GPAM: variants seen among roughly 807,000 people sequenced by gnomAD.
GPAM encodes the protein glycerol-3-phosphate acyltransferase 1, mitochondrial.
A neutral mutation model predicts 105.0 loss-of-function variants in GPAM; 56 were observed. The ratio of observed to expected loss-of-function variants is 0.53; its 90% CI spans 0.43 to 0.67. The LOEUF is 0.67. Among genes scored for constraint, GPAM ranks in the 30% least tolerant of loss-of-function variants. GPAM has a pLI of 0.00. For missense variants in GPAM, 855 were observed against 989.8 expected, an observed-to-expected ratio of 0.86 and a Z score of 1.83; for synonymous variants, 368 against 354.4, an observed-to-expected ratio of 1.04 and a Z score of -0.43.
intron 1 of GPAM, among the ~76,000 whole-genome samples, chr10:112,197,445 T>TC (rs1437769919): frequency 6.6e-6 from 1 of 150,894 alleles, no homozygotes; most frequent in Non-Finnish European, 1.5e-5. Context: ...AGGCATTCTT[T>TC]TTTTTTTTTT....
At chr10:112,212,505 C>T (rs960694209) in intron 1 of GPAM, among the ~76,000 whole-genome samples, 3 of 152,136 alleles carry the variant, frequency 2.0e-5, no homozygotes, top group Non-Finnish European at 2.9e-5. Context: ...CCTCATGATC[C>T]GCCCGCATCG....
Position 112,157,400 on chromosome 10 carries a change from G to A in GPAM, c.1981-11C>T. 5 of 1,613,118 alleles carry A rather than the reference G, an allele frequency of 3.1e-6. No individual in the cohort carries two copies. The highest frequency in any genetic ancestry group is 4.2e-6 in the Non-Finnish European group (5 of 1,179,220). On this transcript the variant is annotated splice_polypyrimidine_tract_variant and intron_variant, in intron 18 of 21. Coordinates refer to ENST00000348367, the MANE Select transcript of GPAM (RefSeq NM_001244949.2). ...TTCCTGGTCATCGTGCTAGGCCAAG[G>A]AGATGATGGATAGTAAATAAATATG...
rs915434563 is a variant in GPAM at position 112,159,196 on chromosome 10, G to C, written c.1902+715C>G. ...GGTTTTCCTCATTTGTAAATTGAGA[G>C]GTGTTGAGCAGATGATTTTCTTTTT... On this transcript the variant is annotated intron_variant, in intron 17 of 21. Transcript: ENST00000348367. 2.0e-5 allele frequency among the ~76,000 whole-genome samples: 3 copies of C among 151,136 alleles called. No homozygotes were observed. In the East Asian group the frequency reaches 5.8e-4, roughly 29 times the overall value.
chr10:112,215,565 TG>T (rs1281354608), upstream of GPAM, among the ~76,000 whole-genome samples: 3 of 152,216 alleles, frequency 2.0e-5, no homozygotes, highest in East Asian at 1.9e-4. Flanking sequence ...ATGCAATGAA[TG>T]GTGTCTTCTT....
At chr10:112,208,771 A>C (rs1847878122) in intron 1 of GPAM, among the ~76,000 whole-genome samples, 1 of 152,258 alleles carries the variant, frequency 6.6e-6, no homozygotes, top group Non-Finnish European at 1.5e-5. Flanking sequence ...ATAAATTGCC[A>C]ATCAACTAAC....
intron 2 of GPAM, among the ~76,000 whole-genome samples, chr10:112,182,086 A>G (rs1042774667): frequency 6.6e-6 from 1 of 152,224 alleles, no homozygotes; most frequent in Non-Finnish European, 1.5e-5. Flanking sequence ...TTGTATCCAC[A>G]CAAAATAGCT....
At chr10:112,194,574 A>G (rs1847701065) in intron 1 of GPAM, among the ~76,000 whole-genome samples, 1 of 152,238 alleles carries the variant, frequency 6.6e-6, no homozygotes, top group South Asian at 2.1e-4. Context: ...TGATATGAAA[A>G]TAAAGCGTCT....
At chr10:112,163,982 T>C (rs1847170735) in intron 13 of GPAM, among the ~76,000 whole-genome samples, 166 bp from the exon 14 acceptor site, 1 of 152,218 alleles carries the variant, frequency 6.6e-6, no homozygotes, top group South Asian at 2.1e-4. Flanking sequence ...TATACTACAT[T>C]ATGGCCTGGC....
chr10:112,193,670 A>G (rs1847689729), intron 1 of GPAM, among the ~76,000 whole-genome samples: 2 of 152,206 alleles, frequency 1.3e-5, no homozygotes, highest in Admixed American at 1.3e-4. Flanking sequence ...CAAACATACA[A>G]GGGATATATT....
intron 1 of GPAM, among the ~76,000 whole-genome samples, chr10:112,192,147 A>G (rs1328114079): frequency 1.3e-5 from 2 of 152,212 alleles, no homozygotes; most frequent in African/African-American, 2.4e-5. Context: ...GGCCTTCAAG[A>G]GAACTTTGAC....
chr10:112,181,598 T>C, intron 3 of GPAM, 85 bp downstream of exon 3: 1 of 791,988 alleles, frequency 1.3e-6, no homozygotes, highest in South Asian at 1.4e-5. Flanking sequence ...TGATATTATG[T>C]TGCTGCCAGT....
chr10:112,216,809 A>G (rs1215670763), upstream of GPAM, among the ~76,000 whole-genome samples: 1 of 151,884 alleles, frequency 6.6e-6, no homozygotes, highest in Non-Finnish European at 1.5e-5. Context: ...TTTTTACTAG[A>G]GACGGGGTTT....
In GPAM at chr10:112,153,192, A is replaced by G. The variant is rs532779240; in HGVS notation, c.*358T>C. 1.8e-5 allele frequency: 20 copies of G among 1,122,132 alleles called. No individual in the cohort carries two copies. In the Admixed American group the frequency reaches 6.1e-4, roughly 34 times the overall value. 69.5% of individuals were successfully genotyped at this position (1,122,132 alleles called of 1,614,324 possible). A position where few individuals can be genotyped will look rare whatever the true frequency, so the allele number is the denominator to read the frequency against. The stretch of plus-strand genomic sequence containing the variant: ...AGTATACCATGTAAGATTCAGTTCC[A>G]GAACACAGCTACATTTCTGTGTCCA... On this transcript the variant is annotated 3_prime_UTR_variant, in exon 22 of 22. Transcript: ENST00000348367.
upstream of GPAM, among the ~76,000 whole-genome samples, chr10:112,187,243 A>G (rs1847606786): frequency 6.6e-6 from 1 of 152,170 alleles, no homozygotes; most frequent in African/African-American, 2.4e-5. Flanking sequence ...TTAAGCTCAT[A>G]TAAGTAATCA....
Position 112,168,357 on chromosome 10 carries a change from G to T in GPAM, c.1062C>A (p.Ile354=). 6.2e-7 allele frequency: 1 copy of T among 1,610,296 alleles called. No individual in the cohort carries two copies. The highest frequency in any genetic ancestry group is 8.5e-7 in the Non-Finnish European group (1 of 1,176,498). The change falls in exon 11 of 22, where the codon ATC becomes ATA. Residue 354 remains isoleucine (I), a synonymous_variant. Transcript: ENST00000348367. ...IPDILIIPVG[I]SYDRIIEGHY... ...GACCTTCGATAATGCGATCATAGGA[G>T]ATTCCAACAGGTATTATCAAGATGT... is the stretch of plus-strand genomic sequence containing the variant.
At chr10:112,213,856 T>C (rs2133309953) in intron 1 of GPAM, among the ~76,000 whole-genome samples, 1 of 152,264 alleles carries the variant, frequency 6.6e-6, no homozygotes. Flanking sequence ...GGATCCAGAC[T>C]ATGCTGGCAA....
At chr10:112,201,457 C>T (rs1199527109) in intron 1 of GPAM, among the ~76,000 whole-genome samples, 5 of 152,220 alleles carry the variant, frequency 3.3e-5, no homozygotes, top group Non-Finnish European at 7.3e-5. Flanking sequence ...CCTCTCCTCC[C>T]TGGTCCTCTA....
chr10:112,168,366 A>G lies in GPAM; in HGVS notation c.1053T>C (p.Pro351=), dbSNP rs755662108. The change falls in exon 11 of 22, where the codon CCT becomes CCC. Residue 351 remains proline, a synonymous_variant. Transcript: ENST00000348367. ...TNVIPDILII[P]VGISYDRIIE... ...TAATGCGATCATAGGAGATTCCAAC[A>G]GGTATTATCAAGATGTCTGGGATGA... 6.2e-7 allele frequency: 1 copy of G among 1,610,848 alleles called. No individual in the cohort carries two copies. Among genetic ancestry groups the G allele is most frequent in the South Asian group, 1.1e-5 (1 of 91,014 alleles).
intron 1 of GPAM, among the ~76,000 whole-genome samples, chr10:112,204,467 C>T (rs1847837396): frequency 6.6e-6 from 1 of 151,304 alleles, no homozygotes; most frequent in Non-Finnish European, 1.5e-5. Context: ...ACTGGCAAAG[C>T]TAATGATTTT....
Sources: allele counts gnomAD v4.1 joint callset (sites outside exome capture counted in the v4.1 genomes callset), GRCh38; gene constraint gnomAD v4.1.1; transcripts MANE v1.5; gene names NCBI Gene and HGNC (gene_info 2026-07-23, HGNC 2026-07-21).